PCDHGA2: variants seen among roughly 807,000 people sequenced by gnomAD.
PCDHGA2 encodes the protein protocadherin gamma-A2.
In PCDHGA2, 40 loss-of-function variants were observed where a neutral mutation model predicts 59.2. The ratio of observed to expected loss-of-function variants is 0.68; its 90% CI spans 0.52 to 0.88. PCDHGA2 has a LOEUF of 0.88. Ranked by LOEUF, PCDHGA2 falls within the 40% of genes least tolerant of loss-of-function variation. The pLI is 0.00. For missense variants in PCDHGA2, 1,226 were observed against 1,204.0 expected (o/e 1.02, Z -0.27); for synonymous variants, 560 against 526.0 (o/e 1.06, Z -0.89).
intron 1 of PCDHGA2, chr5:141,377,269 TG>T (rs1449007533): frequency 2.1e-5 from 3 of 142,478 alleles, no homozygotes; most frequent in Non-Finnish European, 4.5e-5. Context: ...TTTTCTAATG[TG>T]GGAAAAAAAA....
chr5:141,474,986 A>G (rs1328341214), intron 1 of PCDHGA2, among the ~76,000 whole-genome samples: 1 of 152,238 alleles, frequency 6.6e-6, no homozygotes, highest in Non-Finnish European at 1.5e-5. Context: ...GTTTGGTGAC[A>G]ACAATTCTAA....
chr5:141,500,318 C>T (rs1005060282), intron 2 of PCDHGA2, among the ~76,000 whole-genome samples: 3 of 151,948 alleles, frequency 2.0e-5, no homozygotes, highest in African/African-American at 7.3e-5. Context: ...ACGCCATGCT[C>T]CTGCCTCAGC....
In PCDHGA2 at chr5:141,374,282, G is replaced by A. The variant is rs753347582; in HGVS notation, c.2424+32887G>A. 7 of 1,613,854 alleles carry A rather than the reference G, an allele frequency of 4.3e-6. No individual in the cohort carries two copies. In the East Asian group the frequency reaches 8.9e-5, roughly 21 times the overall value. On this transcript the variant is annotated intron_variant, in intron 1 of 3. Transcript: ENST00000394576. ...GTTGGCGGAGCACGGAGTCCGCATC[G>A]TCTCCAGAGGTAGGATGCAGCTTTT...
chr5:141,495,977 T>C (rs2099765025), intron 2 of PCDHGA2, among the ~76,000 whole-genome samples: 1 of 152,174 alleles, frequency 6.6e-6, no homozygotes, highest in Admixed American at 6.5e-5. Flanking sequence ...TCTGTTACTC[T>C]TTCTTTATCT....
At chr5:141,371,535 G>C (rs1389993070) in intron 1 of PCDHGA2, 1 of 1,613,716 alleles carries the variant, frequency 6.2e-7, no homozygotes, top group Non-Finnish European at 8.5e-7. Flanking sequence ...ATTTAATGGA[G>C]AAATCCTATG....
rs746357528 is a variant in PCDHGA2, at chr5:141,375,442, C to G, written c.2424+34047C>G. 3.1e-6 allele frequency: 5 copies of G among 1,614,034 alleles called. No homozygotes were observed. In the South Asian group the frequency reaches 3.3e-5, roughly 11 times the overall value. On this transcript the variant is annotated intron_variant, in intron 1 of 3. Coordinates refer to ENST00000394576, the MANE Select transcript of PCDHGA2 (RefSeq NM_018915.4). ...CCAACGACAACCCGCCCACCTTCCC[C>G]CATTCATCCTACTCAGTCTATGTCC... is the stretch of plus-strand genomic sequence containing the variant.
rs756332070 is a variant in PCDHGA2, at chr5:141,431,578, C to A, written c.2425-63229C>A. The stretch of plus-strand genomic sequence containing the variant: ...ACGCTACCGACCCTGACGAAGGAGT[C>A]AATGCGGAAGTGAGGTATTCCTTCC... On this transcript the variant is annotated intron_variant, in intron 1 of 3. Transcript: ENST00000394576. This position sits in a 1 kb window ranked among gnomAD's most constrained non-coding sequence, Gnocchi z 4.8. 6.2e-7 allele frequency: 1 copy of A among 1,614,164 alleles called. No homozygotes were observed. Among genetic ancestry groups the A allele is most frequent in the African/African-American group, 1.3e-5 (1 of 75,060 alleles).
rs914956962 is a variant in PCDHGA2, at chr5:141,420,736, A to G, written c.2425-74071A>G. Among the ~76,000 whole-genome samples, 4 of 152,370 alleles carry G rather than the reference A, an allele frequency of 2.6e-5. No individual in the cohort carries two copies. In the East Asian group the frequency reaches 7.7e-4, roughly 29 times the overall value. On this transcript the variant is annotated intron_variant, in intron 1 of 3. Coordinates refer to ENST00000394576, the MANE Select transcript of PCDHGA2 (RefSeq NM_018915.4). ...TCGTTCCTTTCAGTCGGTTAAAATC[A>G]ATTGGAACCAACTACAACCTACAAG...
chr5:141,397,816 A>G (rs1403683863), intron 1 of PCDHGA2, among the ~76,000 whole-genome samples: 2 of 152,230 alleles, frequency 1.3e-5, no homozygotes, highest in African/African-American at 4.8e-5. Context: ...CACAAAAACA[A>G]TTACTGCACT....
At chr5:141,509,454 G>T (rs1164813611) in intron 3 of PCDHGA2, among the ~76,000 whole-genome samples, 2 of 151,976 alleles carry the variant, frequency 1.3e-5, no homozygotes, top group African/African-American at 2.4e-5. Flanking sequence ...TCCCACCCCC[G>T]ACCCAGTCAG....
At position 141,421,681 on chromosome 5, in the gene PCDHGA2, C is replaced by T. The variant is rs750692137; in HGVS notation, c.2425-73126C>T. 4 of 1,613,858 alleles carry T rather than the reference C, an allele frequency of 2.5e-6. No homozygotes were observed. In the South Asian group the frequency reaches 4.4e-5, roughly 18 times the overall value. Reference sequence around the variant, plus strand: ...CAGTGAGCACGCAATTCCTGGGGCGCGATTTGCTCTTCCTAATGCTAGGGA... The same window carrying T: ...CAGTGAGCACGCAATTCCTGGGGCGTGATTTGCTCTTCCTAATGCTAGGGA... On this transcript the variant is annotated intron_variant, in intron 1 of 3. Coordinates refer to ENST00000394576, the MANE Select transcript of PCDHGA2 (RefSeq NM_018915.4).
At chr5:141,402,091 G>A (rs1453803021) in intron 1 of PCDHGA2, among the ~76,000 whole-genome samples, 2 of 152,204 alleles carry the variant, frequency 1.3e-5, no homozygotes, top group African/African-American at 4.8e-5. Context: ...TAGCAGAAAA[G>A]TTTAAGCAAT....
At chr5:141,398,079 G>A (rs1409220171) in intron 1 of PCDHGA2, 9 of 1,596,334 alleles carry the variant, frequency 5.6e-6, no homozygotes, top group Middle Eastern at 3.8e-4. Context: ...GAGGTTATTT[G>A]TAACCTGGCG....
intron 1 of PCDHGA2, among the ~76,000 whole-genome samples, chr5:141,462,559 T>G (rs1035231534): frequency 6.6e-6 from 1 of 152,248 alleles, no homozygotes; most frequent in African/African-American, 2.4e-5. Flanking sequence ...CAGTGTTTAC[T>G]GTATTTGCTA....
intron 1 of PCDHGA2, chr5:141,355,358 G>A: frequency 1.2e-6 from 2 of 1,614,048 alleles, no homozygotes; most frequent in Non-Finnish European, 1.7e-6. Context: ...AAGGACCTGG[G>A]GTTGGCGCCC....
At chr5:141,378,896 TTCTGTTA>T (rs1377436714) in intron 1 of PCDHGA2, 1 of 152,242 alleles carries the variant, frequency 6.6e-6, no homozygotes, top group Non-Finnish European at 1.5e-5. Context: ...AGATAGGAGA[TTCTGTTA>T]TCGACAGTCT....
chr5:141,340,120 C>T lies in PCDHGA2; in HGVS notation c.1149C>T (p.Thr383=). The T allele has an allele frequency of 6.2e-7, 1 of 1,614,108 alleles. No individual in the cohort carries two copies. The highest frequency in any genetic ancestry group is 1.3e-5 in the African/African-American group (1 of 75,040). Residue 383 remains threonine (T), a synonymous_variant, in exon 1 of 4, where the codon ACC becomes ACT. Transcript: ENST00000394576. ...ACTCTGGGCAGAACGCATTCACCAC[C>T]TGTTCACTCCCCGAGGATCTTCCTT... ...DRDSGQNAFT[T]CSLPEDLPFK... is the part of the protein sequence containing the mutation.
chr5:141,418,696 T>C, intron 1 of PCDHGA2: 1 of 1,614,034 alleles, frequency 6.2e-7, no homozygotes, highest in Non-Finnish European at 8.5e-7. Context: ...AGATCACTTA[T>C]TCCTTCTTTG....
chr5:141,401,940 A>T (rs1423719749), intron 1 of PCDHGA2, among the ~76,000 whole-genome samples: 1 of 152,236 alleles, frequency 6.6e-6, no homozygotes, highest in Non-Finnish European at 1.5e-5. Flanking sequence ...AATAATGTTT[A>T]AGACCACTTT....
Sources: gnomAD v4.1 joint callset for allele counts (sites outside exome capture counted in the v4.1 genomes callset) on GRCh38, gnomAD v4.1.1 for gene constraint, Gnocchi (gnomAD v3.1) non-coding constraint, MANE v1.5 for transcripts, NCBI Gene and HGNC (gene_info 2026-07-23, HGNC 2026-07-21) for gene names.